UTP4: variants seen among roughly 807,000 people sequenced by gnomAD.
The protein encoded by UTP4 is U3 small nucleolar RNA-associated protein 4 homolog.
UTP4 carries 45 observed loss-of-function variants against 82.4 expected under a neutral mutation model. That is an observed-to-expected ratio of 0.55 (90% CI 0.43 to 0.70). The LOEUF (loss-of-function observed/expected upper bound fraction) is 0.70. Among genes scored for constraint, UTP4 ranks in the 30% least tolerant of loss-of-function variants. UTP4 has a pLI of 0.00. For missense variants in UTP4, 819 were observed against 858.3 expected (o/e 0.95, Z 0.57); for synonymous variants, 348 against 300.3 (o/e 1.16, Z -1.64).
intron 15 of UTP4, chr16:69,165,752 T>C (rs1330820786): frequency 1.6e-6 from 1 of 616,182 alleles, no homozygotes; most frequent in Non-Finnish European, 2.9e-6. Context: ...GGCTGGCCTT[T>C]GTATACTGGC....
At chr16:69,164,589 TATA>T (rs1963650046) in intron 14 of UTP4, among the ~76,000 whole-genome samples, 1 of 57,818 alleles carries the variant, frequency 1.7e-5, no homozygotes, top group Non-Finnish European at 3.7e-5. Context: ...TCATTCTTTA[TATA>T]TATATATATA....
intron 5 of UTP4, 123 bp from the exon 6 acceptor site, chr16:69,143,055 A>T: frequency 3.2e-6 from 3 of 950,306 alleles, no homozygotes; most frequent in Non-Finnish European, 5.1e-6. Flanking sequence ...ATGAGGTCTC[A>T]CTTCGTTGCC....
At chr16:69,152,472 T>TC (rs1467393796) in intron 8 of UTP4, among the ~76,000 whole-genome samples, 1 of 142,050 alleles carries the variant, frequency 7.0e-6, no homozygotes, top group African/African-American at 2.8e-5. Context: ...TTCTTTTTTT[T>TC]TTTTTTTTTT....
At chr16:69,144,357 C>T (rs531988436) in intron 6 of UTP4, among the ~76,000 whole-genome samples, 5 of 151,944 alleles carry the variant, frequency 3.3e-5, no homozygotes, top group Admixed American at 2.6e-4. Flanking sequence ...CGCCTCTGTG[C>T]CCAGCTAATT....
At chr16:69,136,608 A>G (rs1962820341) in intron 2 of UTP4, 88 bp from the exon 3 acceptor site, 1 of 1,227,106 alleles carries the variant, frequency 8.1e-7, no homozygotes. Flanking sequence ...TTTATGGGGA[A>G]GTTGTTTTTA....
intron 13 of UTP4, among the ~76,000 whole-genome samples, chr16:69,162,050 C>T (rs1597152204): frequency 6.6e-6 from 1 of 151,790 alleles, no homozygotes; most frequent in East Asian, 2.0e-4. Context: ...TCACTGCAAC[C>T]TCCGCCTCCT....
intron 8 of UTP4, among the ~76,000 whole-genome samples, chr16:69,151,909 C>T (rs1232331258): frequency 6.6e-6 from 1 of 151,256 alleles, no homozygotes; most frequent in Non-Finnish European, 1.5e-5. Context: ...TACCATCTTC[C>T]CAAGCTAGAA....
chr16:69,155,802 G>A (rs1250738691), intron 10 of UTP4, 69 bp from the exon 11 acceptor site: 24 of 1,576,296 alleles, frequency 1.5e-5, no homozygotes, highest in Non-Finnish European at 1.7e-5. Flanking sequence ...AGCTTGAGGC[G>A]TCATGTCCCA....
At chr16:69,144,141 G>A (rs1597137940) in intron 6 of UTP4, among the ~76,000 whole-genome samples, 1 of 152,002 alleles carries the variant, frequency 6.6e-6, no homozygotes, top group East Asian at 1.9e-4. Flanking sequence ...ACCCACCTCG[G>A]CCTCCCAAAG....
At chr16:69,143,093 A>G (rs1963007942) in intron 5 of UTP4, 85 bp from the exon 6 acceptor site, 1 of 1,407,628 alleles carries the variant, frequency 7.1e-7, no homozygotes, top group Non-Finnish European at 1.0e-6. Context: ...CCAGGGCTCA[A>G]GCAGTCCTTC....
chr16:69,163,691 A>C (rs368379340), intron 14 of UTP4, among the ~76,000 whole-genome samples: 2 of 151,920 alleles, frequency 1.3e-5, no homozygotes, highest in African/African-American at 4.8e-5. Context: ...CTTTAAAAAA[A>C]AAAAAACCTG....
chr16:69,151,790 T>C (rs1275441372), intron 8 of UTP4, among the ~76,000 whole-genome samples: 1 of 151,918 alleles, frequency 6.6e-6, no homozygotes, highest in East Asian at 1.9e-4. Flanking sequence ...ATTTTTCCCT[T>C]TTCCAAATAG....
chr16:69,155,724 T>C (rs945008016), intron 10 of UTP4, 147 bp from the exon 11 acceptor site: 2 of 849,992 alleles, frequency 2.4e-6, no homozygotes, highest in Non-Finnish European at 3.9e-6. Context: ...GAAATAATCA[T>C]ATTAATGCAG....
intron 14 of UTP4, among the ~76,000 whole-genome samples, chr16:69,164,836 C>G (rs1360239589): frequency 1.3e-5 from 2 of 151,898 alleles, no homozygotes; most frequent in African/African-American, 4.8e-5. Context: ...GGGTCAGTCT[C>G]CGTGATATAA....
In UTP4 at chr16:69,153,669, C is replaced by G. The variant is rs748756687; in HGVS notation, c.1088C>G (p.Thr363Arg). 1 of 1,610,754 alleles carries G rather than the reference C, an allele frequency of 6.2e-7. No individual in the cohort carries two copies. Among genetic ancestry groups the G allele is most frequent in the Non-Finnish European group, 8.5e-7 (1 of 1,177,620 alleles). Residue 363 changes from threonine to arginine, a missense_variant, in exon 9 of 17, where the codon ACA (threonine) becomes AGA (arginine). Transcript: ENST00000314423. ...HHLELWRLGS[T>R]VATGKNGDTL... ...TTAGAACTTTGGCGACTGGGATCCA[C>G]AGTTGCAACAGGTAAGATGGGAGCA... is the stretch of plus-strand genomic sequence containing the variant.
intron 13 of UTP4, among the ~76,000 whole-genome samples, 195 bp downstream of exon 13, chr16:69,160,657 C>T (rs576144610): frequency 6.1e-5 from 9 of 146,980 alleles, no homozygotes; most frequent in Admixed American, 2.8e-4. Flanking sequence ...AGTGCAGTGG[C>T]GCGATCTCGG....
intron 13 of UTP4, among the ~76,000 whole-genome samples, chr16:69,161,230 G>A (rs77295380): frequency 0.032 from 4,822 of 152,270 alleles, 108 homozygotes; most frequent in Non-Finnish European, 0.042. Flanking sequence ...CAGTAATGAC[G>A]CTGTCAGTCA....
intron 12 of UTP4, 109 bp downstream of exon 12, chr16:69,157,349 G>C (rs144563750): frequency 0.025 from 26,345 of 1,066,368 alleles, 438 homozygotes; most frequent in Non-Finnish European, 0.029. Context: ...CTACCCTGCA[G>C]ATACACTCAC....
chr16:69,146,819 A>G (rs1963122073), intron 6 of UTP4, among the ~76,000 whole-genome samples: 1 of 151,110 alleles, frequency 6.6e-6, no homozygotes, highest in South Asian at 2.1e-4. Context: ...ACATGGTGAA[A>G]CCCCATCTCT....
Sources: allele counts gnomAD v4.1 joint callset (sites outside exome capture counted in the v4.1 genomes callset), GRCh38; gene constraint gnomAD v4.1.1; transcripts MANE v1.5; gene names NCBI Gene and HGNC (gene_info 2026-07-23, HGNC 2026-07-21).